CFAP20DC: variants seen among roughly 807,000 people sequenced by gnomAD.
CFAP20DC encodes the protein protein CFAP20DC.
In CFAP20DC, 84 loss-of-function variants were observed where a neutral mutation model predicts 101.7. The observed-to-expected ratio is 0.83, with a 90% confidence interval of 0.69 to 0.99. CFAP20DC has a LOEUF of 0.99. CFAP20DC is among the 50% of genes least tolerant of loss of function. CFAP20DC has a pLI of 0.00. For synonymous variants in CFAP20DC, 359 were observed against 351.2 expected (o/e 1.02, Z -0.25); for missense variants, 1,007 against 970.3 (o/e 1.04, Z -0.50).
intron 15 of CFAP20DC, among the ~76,000 whole-genome samples, chr3:58,765,489 C>CCAAAAAAAAAAAAAAAAAAAAAA (rs1559559565): frequency 9.2e-6 from 1 of 108,728 alleles, no homozygotes; most frequent in East Asian, 2.9e-4. Flanking sequence ...AAAAAAAAAA[C>CCAAAAAAAAAAAAAAAAAAAAAA]CAAAAAAAAA....
At chr3:58,716,407 C>T (rs2067400384), downstream of CFAP20DC, among the ~76,000 whole-genome samples, 2 of 151,894 alleles carry the variant, frequency 1.3e-5, no homozygotes, top group Non-Finnish European at 1.5e-5. Flanking sequence ...TCATGATCCA[C>T]CCGCCTCGGC....
At chr3:58,879,765 T>C (rs1018939932) in intron 7 of CFAP20DC, among the ~76,000 whole-genome samples, 2 of 152,082 alleles carry the variant, frequency 1.3e-5, no homozygotes, top group African/African-American at 4.8e-5. Flanking sequence ...CATTGATTAT[T>C]AGAGCCCCGA....
chr3:58,913,566 G>A lies in CFAP20DC; in HGVS notation c.550+142C>T. ...AAATAAACATTTGATCTAGAACAAA[G>A]AAATCAGCATGACTGTTGACAAATT... is the stretch of plus-strand genomic sequence containing the variant. On this transcript the variant is annotated intron_variant, in intron 6 of 16. Coordinates refer to ENST00000482387, the MANE Select transcript of CFAP20DC (RefSeq NM_001394063.1). The surrounding 1 kb of genome is among the most constrained non-coding windows in gnomAD (Gnocchi z 4.4). 3.9e-6 allele frequency: 3 copies of A among 774,748 alleles called. 1 individual carries two copies. In the South Asian group the frequency reaches 4.7e-5, roughly 12 times the overall value. The allele number at this position is 774,748 out of a possible 1,614,324, so 48.0% of individuals were successfully genotyped here.
intron 4 of CFAP20DC, among the ~76,000 whole-genome samples, chr3:58,945,501 A>C (rs1408548165): frequency 6.6e-6 from 1 of 152,098 alleles, no homozygotes; most frequent in Non-Finnish European, 1.5e-5. Context: ...TACAACTAAA[A>C]TTTTGGAGGC....
intron 5 of CFAP20DC, among the ~76,000 whole-genome samples, chr3:58,922,380 C>T (rs1441710417): frequency 6.6e-6 from 1 of 152,138 alleles, no homozygotes; most frequent in Non-Finnish European, 1.5e-5. Flanking sequence ...GCTTATTTGG[C>T]CCCACCAAGT....
intron 15 of CFAP20DC, among the ~76,000 whole-genome samples, chr3:58,769,838 G>A (rs933268653): frequency 6.6e-6 from 1 of 152,124 alleles, no homozygotes; most frequent in African/African-American, 2.4e-5. Flanking sequence ...TTATATGGAG[G>A]TATGCAATAA....
At chr3:58,988,591 C>T (rs1279885155) in intron 4 of CFAP20DC, among the ~76,000 whole-genome samples, 1 of 152,150 alleles carries the variant, frequency 6.6e-6, no homozygotes, top group Non-Finnish European at 1.5e-5. Flanking sequence ...GCAACTACTT[C>T]ACCATATTTC....
intron 4 of CFAP20DC, among the ~76,000 whole-genome samples, chr3:59,022,622 G>T (rs948228431): frequency 1.2e-4 from 18 of 152,004 alleles, no homozygotes; most frequent in Non-Finnish European, 2.5e-4. Flanking sequence ...CAGAAAGGTT[G>T]TTCCTACTTA....
intron 5 of CFAP20DC, among the ~76,000 whole-genome samples, chr3:58,931,588 C>G (rs571673932): frequency 6.6e-6 from 1 of 152,192 alleles, no homozygotes; most frequent in Non-Finnish European, 1.5e-5. Context: ...TCCAGAGGAA[C>G]GATCAGACAG....
Position 58,861,329 on chromosome 3 carries a change from T to C in CFAP20DC, c.1593+2229A>G, listed in dbSNP as rs371836494. 5.4e-6 allele frequency: 4 copies of C among 736,090 alleles called. No individual in the cohort carries two copies. In the African/African-American group the frequency reaches 7.6e-5, roughly 14 times the overall value. 45.6% of individuals were successfully genotyped at this position (736,090 alleles called of 1,614,324 possible). A position where few individuals can be genotyped will look rare whatever the true frequency, so the allele number is the denominator to read the frequency against. ...CATTATTTACAACTTGACATTATGT[T>C]TTCCTGAAGTATAATTATACAAAGA... On this transcript the variant is annotated intron_variant, in intron 12 of 16. Coordinates refer to ENST00000482387, the MANE Select transcript of CFAP20DC (RefSeq NM_001394063.1). This position sits in a 1 kb window ranked among gnomAD's most constrained non-coding sequence, Gnocchi z 4.0.
chr3:58,734,680 G>A (rs1575520553), intron 3 of CFAP20DC: 1 of 427,124 alleles, frequency 2.3e-6, no homozygotes, highest in East Asian at 7.1e-5. Flanking sequence ...CTAACTTGGT[G>A]ATTGCCTTCC....
At chr3:58,845,078 C>T (rs1245418337) in intron 13 of CFAP20DC, among the ~76,000 whole-genome samples, 1 of 144,744 alleles carries the variant, frequency 6.9e-6, no homozygotes, top group Non-Finnish European at 1.5e-5. Context: ...CCAAAATTGA[C>T]ACCCTAACAT....
intron 3 of CFAP20DC, chr3:58,734,630 A>T: frequency 2.2e-6 from 1 of 455,196 alleles, no homozygotes; most frequent in South Asian, 1.6e-5. Flanking sequence ...TCTGCTCTGC[A>T]AAGCTCCCTG....
At chr3:59,019,977 C>A (rs1299002844) in intron 4 of CFAP20DC, among the ~76,000 whole-genome samples, 2 of 151,936 alleles carry the variant, frequency 1.3e-5, no homozygotes, top group Non-Finnish European at 2.9e-5. Flanking sequence ...TAGAGGCAGA[C>A]AGGAAAATCT....
intron 5 of CFAP20DC, among the ~76,000 whole-genome samples, chr3:58,933,631 C>T (rs1380467701): frequency 1.3e-5 from 2 of 152,188 alleles, no homozygotes; most frequent in African/African-American, 2.4e-5. Context: ...CTCAAAACCA[C>T]TCAACTACAT....
intron 15 of CFAP20DC, 83 bp downstream of exon 15, chr3:58,806,312 C>G: frequency 6.3e-6 from 6 of 956,138 alleles, no homozygotes; most frequent in Non-Finnish European, 9.9e-6. Context: ...TTTTGGAAAA[C>G]AATTTCAGAA....
At chr3:58,850,693 C>CA (rs1490305821) in intron 12 of CFAP20DC, among the ~76,000 whole-genome samples, 14 of 150,222 alleles carry the variant, frequency 9.3e-5, no homozygotes, top group Non-Finnish European at 4.5e-5. Context: ...AGAGAAAAAA[C>CA]AAAAAAGCAC....
intron 6 of CFAP20DC, among the ~76,000 whole-genome samples, chr3:58,911,063 A>T (rs1234150260): frequency 6.6e-6 from 1 of 152,134 alleles, no homozygotes; most frequent in Non-Finnish European, 1.5e-5. Flanking sequence ...GGAAACTATA[A>T]AAAAGAACCA....
Position 58,867,845 on chromosome 3 carries a change from G to T in CFAP20DC, c.1107C>A (p.Thr369=). The change falls in exon 10 of 17, where the codon ACC becomes ACA. Residue 369 remains threonine, a synonymous_variant. Transcript: ENST00000482387. ...NNRRRLRLKS[T]SRERTETPSG... The stretch of plus-strand genomic sequence containing the variant: ...TGGGTGTCTCTGTCCTTTCTCTGCT[G>T]GTACTTTTTAACCGTAATCTTCTTC... 1 of 1,613,488 alleles carries T rather than the reference G, an allele frequency of 6.2e-7. No homozygotes were observed. The highest frequency in any genetic ancestry group is 1.1e-5 in the South Asian group (1 of 91,048).
Sources: gnomAD v4.1 joint callset for allele counts (sites outside exome capture counted in the v4.1 genomes callset) on GRCh38, gnomAD v4.1.1 for gene constraint, Gnocchi (gnomAD v3.1) non-coding constraint, MANE v1.5 for transcripts, NCBI Gene and HGNC (gene_info 2026-07-23, HGNC 2026-07-21) for gene names.